Variants in TANC2 observed in about 807,000 individuals in gnomAD.
TANC2 encodes the protein protein TANC2.
A neutral mutation model predicts 210.5 loss-of-function variants in TANC2; 26 were observed. That is an observed-to-expected ratio of 0.12 (90% CI 0.09 to 0.17). The LOEUF is 0.17. Among genes scored for constraint, TANC2 ranks in the 10% least tolerant of loss-of-function variants. The probability of loss-of-function intolerance (pLI) is 1.00; values close to 1 mark genes in which losing one functional copy is unlikely to be tolerated. For missense variants in TANC2, 2,129 were observed against 2,608.9 expected (o/e 0.82, Z 4.01); for synonymous variants, 931 against 967.1 (o/e 0.96, Z 0.69).
chr17:63,406,317 T>C, intron 21 of TANC2, 40 bp downstream of exon 21: 1 of 1,605,450 alleles, frequency 6.2e-7, no homozygotes, highest in Non-Finnish European at 8.5e-7. Flanking sequence ...CCAGTTTCCA[T>C]AATTACCTGG....
At chr17:63,005,914 G>A (rs942448555) in intron 1 of TANC2, among the ~76,000 whole-genome samples, 1 of 150,046 alleles carries the variant, frequency 6.7e-6, no homozygotes, top group African/African-American at 2.5e-5. Context: ...GTGTGTGTGT[G>A]TGTGTGTGTG....
At chr17:63,126,800 G>A (rs867145237) in intron 4 of TANC2, among the ~76,000 whole-genome samples, 4 of 152,262 alleles carry the variant, frequency 2.6e-5, no homozygotes, top group Admixed American at 1.3e-4. Flanking sequence ...CTTTACAACT[G>A]AGGCTAGAAG....
intron 2 of TANC2, among the ~76,000 whole-genome samples, chr17:63,063,705 T>G (rs1482025986): frequency 6.6e-6 from 1 of 151,532 alleles, no homozygotes; most frequent in African/African-American, 2.4e-5. Flanking sequence ...TGTGTAGAGA[T>G]ATATCTCTTA....
At chr17:62,990,047 G>A (rs1206911090) in intron 1 of TANC2, among the ~76,000 whole-genome samples, 1 of 151,974 alleles carries the variant, frequency 6.6e-6, no homozygotes, top group Non-Finnish European at 1.5e-5. Context: ...AAAGTGCTGG[G>A]ATTACAGGCA....
intron 21 of TANC2, 43 bp downstream of exon 21, chr17:63,406,320 T>C (rs779073812): frequency 1.2e-6 from 2 of 1,604,514 alleles, no homozygotes; most frequent in African/African-American, 2.7e-5. Flanking sequence ...GTTTCCATAA[T>C]TACCTGGTGA....
intron 5 of TANC2, among the ~76,000 whole-genome samples, chr17:63,178,466 C>T (rs1277938509): frequency 6.6e-6 from 1 of 152,140 alleles, no homozygotes; most frequent in African/African-American, 2.4e-5. Flanking sequence ...AGCTTCCGTG[C>T]CTTTTTCAAC....
At chr17:63,317,089 TGTA>T (rs1297402262) in intron 10 of TANC2, among the ~76,000 whole-genome samples, 1 of 152,092 alleles carries the variant, frequency 6.6e-6, no homozygotes, top group Non-Finnish European at 1.5e-5. Flanking sequence ...AATTAATAGT[TGTA>T]GTGATAATAA....
chr17:63,406,051 T>C, intron 20 of TANC2, 103 bp from the exon 21 acceptor site: 1 of 1,456,444 alleles, frequency 6.9e-7, no homozygotes, highest in Non-Finnish European at 9.3e-7. Flanking sequence ...CATGGGTGAC[T>C]CGTACAGCAG....
At chr17:63,364,151 T>C (rs1421126538) in intron 14 of TANC2, among the ~76,000 whole-genome samples, 1 of 152,256 alleles carries the variant, frequency 6.6e-6, no homozygotes, top group Non-Finnish European at 1.5e-5. Context: ...GGTTTTGTGA[T>C]ATGACAAACG....
At chr17:63,164,145 T>G (rs1156480965) in intron 5 of TANC2, among the ~76,000 whole-genome samples, 1 of 150,894 alleles carries the variant, frequency 6.6e-6, no homozygotes, top group African/African-American at 2.4e-5. Flanking sequence ...TTTTTTTTTT[T>G]TTTGTAAGAG....
chr17:63,243,366 G>A (rs1453215706), intron 8 of TANC2, among the ~76,000 whole-genome samples: 2 of 152,160 alleles, frequency 1.3e-5, no homozygotes, highest in African/African-American at 4.8e-5. Context: ...TGAATAGAAT[G>A]TCCATGAGAA....
In TANC2 at chr17:63,185,114, C is replaced by T. The variant is rs533907114; in HGVS notation, c.434-8877C>T. On this transcript the variant is annotated intron_variant, in intron 5 of 27. Transcript: ENST00000689528. ...GGCTCAAGCCATCCTCTTACTTTAC[C>T]CACCTGAGTAGCTGGGACTACAGGC... is the stretch of plus-strand genomic sequence containing the variant. 6.6e-5 allele frequency among the ~76,000 whole-genome samples: 10 copies of T among 152,032 alleles called. 1 individual carries two copies. In the East Asian group the frequency reaches 1.6e-3, roughly 24 times the overall value.
chr17:62,989,469 ATGCT>A (rs2032744010), intron 1 of TANC2, among the ~76,000 whole-genome samples: 2 of 152,202 alleles, frequency 1.3e-5, no homozygotes, highest in African/African-American at 2.4e-5. Flanking sequence ...ATTTATAAGA[ATGCT>A]TAGTGCCTGG....
chr17:63,146,615 C>CTGTA (rs2039471381), intron 4 of TANC2, among the ~76,000 whole-genome samples: 1 of 152,102 alleles, frequency 6.6e-6, no homozygotes, highest in South Asian at 2.1e-4. Context: ...ACTGTTCTCT[C>CTGTA]TGTATATTCT....
At chr17:63,061,583 G>A (rs1349982154) in intron 2 of TANC2, among the ~76,000 whole-genome samples, 2 of 151,894 alleles carry the variant, frequency 1.3e-5, no homozygotes, top group Admixed American at 6.6e-5. Flanking sequence ...GTCTATGTAT[G>A]CATATATGCA....
chr17:63,005,938 G>GTGTT (rs975585310), intron 1 of TANC2, among the ~76,000 whole-genome samples: 1 of 149,094 alleles, frequency 6.7e-6, no homozygotes, highest in African/African-American at 2.5e-5. Flanking sequence ...GTGTGTGTGT[G>GTGTT]TGTGTGTGAA....
chr17:63,123,909 G>A (rs1414706545), intron 4 of TANC2, among the ~76,000 whole-genome samples: 8 of 151,816 alleles, frequency 5.3e-5, no homozygotes, highest in Non-Finnish European at 1.0e-4. Flanking sequence ...CACCATCTTG[G>A]CCAGGCTGGT....
At chr17:63,182,538 T>A (rs1247232250) in intron 5 of TANC2, 1 of 244,792 alleles carries the variant, frequency 4.1e-6, no homozygotes, top group Non-Finnish European at 8.3e-6. Context: ...ATTTGAGGAC[T>A]TTTTTGGGGA....
intron 9 of TANC2, among the ~76,000 whole-genome samples, chr17:63,299,670 T>C (rs1400604619): frequency 6.6e-6 from 1 of 152,134 alleles, no homozygotes; most frequent in Non-Finnish European, 1.5e-5. Context: ...TCCTTGTAGA[T>C]TCTGGGTATT....
Sources: gnomAD v4.1 joint callset for allele counts (sites outside exome capture counted in the v4.1 genomes callset) on GRCh38, gnomAD v4.1.1 for gene constraint, MANE v1.5 for transcripts, NCBI Gene and HGNC (gene_info 2026-07-23, HGNC 2026-07-21) for gene names.